Variants in CNTNAP2 observed in about 807,000 individuals in gnomAD.
CNTNAP2 encodes the protein contactin-associated protein-like 2.
Under a neutral mutation model 155.2 loss-of-function variants are expected in CNTNAP2, and 98 were observed. The ratio of observed to expected loss-of-function variants is 0.63; its 90% CI spans 0.54 to 0.75. The LOEUF (loss-of-function observed/expected upper bound fraction) is 0.75. Among genes scored for constraint, CNTNAP2 ranks in the 30% least tolerant of loss-of-function variants. The probability of loss-of-function intolerance (pLI) is 0.00; values close to 1 mark genes in which losing one functional copy is unlikely to be tolerated. For missense variants in CNTNAP2, 1,727 were observed against 1,688.1 expected, an observed-to-expected ratio of 1.02 and a Z score of -0.40; for synonymous variants, 651 against 631.2, an observed-to-expected ratio of 1.03 and a Z score of -0.47.
chr7:146,616,574 A>G (rs942111422), intron 1 of CNTNAP2, among the ~76,000 whole-genome samples: 4 of 152,182 alleles, frequency 2.6e-5, no homozygotes, highest in Non-Finnish European at 4.4e-5. Flanking sequence ...TCATTATCCA[A>G]TAAACCTGTG....
chr7:146,699,453 C>T (rs1563193713), intron 1 of CNTNAP2, among the ~76,000 whole-genome samples: 1 of 152,116 alleles, frequency 6.6e-6, no homozygotes, highest in East Asian at 1.9e-4. Context: ...AGGCATTCTA[C>T]AGTCTCATAA....
intron 1 of CNTNAP2, among the ~76,000 whole-genome samples, chr7:146,653,137 C>G (rs1441501031): frequency 6.6e-6 from 1 of 152,032 alleles, no homozygotes; most frequent in Non-Finnish European, 1.5e-5. Context: ...TCTTTTCTTT[C>G]TCACTAAAGA....
chr7:146,627,466 A>T (rs766486940), intron 1 of CNTNAP2, among the ~76,000 whole-genome samples: 1 of 152,210 alleles, frequency 6.6e-6, no homozygotes, highest in Non-Finnish European at 1.5e-5. Context: ...ATTGGTCAGC[A>T]TTAAAAGAAT....
chr7:147,303,452 A>AGCTGCC (rs1794978079), intron 9 of CNTNAP2, among the ~76,000 whole-genome samples: 1 of 152,200 alleles, frequency 6.6e-6, no homozygotes, highest in Admixed American at 6.5e-5. Flanking sequence ...TCAGAAGAGG[A>AGCTGCC]ACTGCCTCTG....
intron 3 of CNTNAP2, among the ~76,000 whole-genome samples, chr7:146,918,135 C>T (rs1796431130): frequency 6.6e-6 from 1 of 152,074 alleles, no homozygotes; most frequent in African/African-American, 2.4e-5. Flanking sequence ...ATTCATTATG[C>T]CATTCTGTAT....
intron 3 of CNTNAP2, among the ~76,000 whole-genome samples, chr7:146,985,343 A>C (rs9640488): frequency 0.66 from 91,820 of 139,824 alleles, 29,457 homozygotes; most frequent in East Asian, 0.94. Context: ...TTTTTGAGAC[A>C]GTCTTGCTCT....
intron 1 of CNTNAP2, among the ~76,000 whole-genome samples, chr7:146,630,151 A>G (rs754429116): frequency 6.6e-6 from 1 of 151,926 alleles, no homozygotes; most frequent in Non-Finnish European, 1.5e-5. Flanking sequence ...ATTCCTAGAC[A>G]GGCCCCAGCA....
chr7:147,186,490 A>C (rs778067227), intron 8 of CNTNAP2, among the ~76,000 whole-genome samples: 2 of 152,118 alleles, frequency 1.3e-5, no homozygotes, highest in Non-Finnish European at 2.9e-5. Context: ...ACATAGCTAG[A>C]GTTCAGGTCT....
intron 8 of CNTNAP2, among the ~76,000 whole-genome samples, chr7:147,150,452 A>T (rs1801803763): frequency 6.6e-6 from 1 of 152,190 alleles, no homozygotes; most frequent in African/African-American, 2.4e-5. Context: ...AGAAGATAAT[A>T]GAAAAAAAAG....
chr7:146,257,362 C>CTA (rs1158560433), intron 1 of CNTNAP2, among the ~76,000 whole-genome samples: 1 of 152,158 alleles, frequency 6.6e-6, no homozygotes, highest in Non-Finnish European at 1.5e-5. Context: ...TCTTATCTTT[C>CTA]TATATATCTG....
intron 10 of CNTNAP2, among the ~76,000 whole-genome samples, chr7:147,407,888 CA>C (rs1402219139): frequency 1.1e-4 from 16 of 152,152 alleles, no homozygotes; most frequent in Non-Finnish European, 1.9e-4. Context: ...ACATGCCAGG[CA>C]AAATCAGAGG....
At chr7:147,584,795 C>T (rs1178623790) in intron 12 of CNTNAP2, among the ~76,000 whole-genome samples, 1 of 152,204 alleles carries the variant, frequency 6.6e-6, no homozygotes, top group Non-Finnish European at 1.5e-5. Flanking sequence ...GAGGCTACAG[C>T]AGGCAGGCAT....
intron 1 of CNTNAP2, among the ~76,000 whole-genome samples, chr7:146,446,304 C>A (rs779614448): frequency 6.6e-6 from 1 of 152,088 alleles, no homozygotes; most frequent in Non-Finnish European, 1.5e-5. Context: ...AGGACTAAAC[C>A]AATTTAGAGG....
At chr7:148,413,401 A>AAAAAAAAAAATATATAT (rs1442990213) in intron 23 of CNTNAP2, among the ~76,000 whole-genome samples, 1 of 45,368 alleles carries the variant, frequency 2.2e-5, no homozygotes, top group African/African-American at 1.3e-4. Context: ...TCAAAAAAAA[A>AAAAAAAAAAATATATAT]ATATATATAT....
At chr7:146,369,029 GTATATATATA>G (rs71525943) in intron 1 of CNTNAP2, among the ~76,000 whole-genome samples, 39 of 137,358 alleles carry the variant, frequency 2.8e-4, no homozygotes, top group African/African-American at 1.0e-3. Context: ...AAAGCATTAT[GTATATATATA>G]TATATATATA....
At chr7:147,082,407 A>G (rs1800154007) in intron 4 of CNTNAP2, 1 of 152,178 alleles carries the variant, frequency 6.6e-6, no homozygotes, top group Non-Finnish European at 1.5e-5. Flanking sequence ...GCATCTGCTC[A>G]TAACTCATTA....
intron 1 of CNTNAP2, among the ~76,000 whole-genome samples, chr7:146,229,569 G>A (rs1029144179): frequency 7.9e-5 from 12 of 152,134 alleles, no homozygotes; most frequent in Middle Eastern, 3.4e-3. Context: ...AGTTCCATGC[G>A]CTGACAGAGA....
intron 5 of CNTNAP2, among the ~76,000 whole-genome samples, chr7:147,114,675 C>T (rs955061333): frequency 4.6e-5 from 7 of 152,146 alleles, no homozygotes; most frequent in Non-Finnish European, 7.3e-5. Flanking sequence ...ACATTTTTCT[C>T]CATCCTTTAT....
intron 1 of CNTNAP2, among the ~76,000 whole-genome samples, chr7:146,149,246 A>G (rs899952659): frequency 2.0e-5 from 3 of 152,124 alleles, no homozygotes; most frequent in Non-Finnish European, 2.9e-5. Flanking sequence ...AAACAGTTAT[A>G]AGATTGACAA....
Sources: allele counts gnomAD v4.1 joint callset (sites outside exome capture counted in the v4.1 genomes callset), GRCh38; gene constraint gnomAD v4.1.1; transcripts MANE v1.5; gene names NCBI Gene and HGNC (gene_info 2026-07-23, HGNC 2026-07-21).